Variants in ATP2B1 observed in about 807,000 individuals in gnomAD.
ATP2B1 encodes the protein plasma membrane calcium-transporting ATPase 1.
A neutral mutation model predicts 124.2 loss-of-function variants in ATP2B1; 14 were observed. The ratio of observed to expected loss-of-function variants is 0.11; its 90% CI spans 0.07 to 0.18. The LOEUF is 0.18. Among genes scored for constraint, ATP2B1 ranks in the 10% least tolerant of loss-of-function variants. The pLI is 1.00. For missense variants in ATP2B1, 763 were observed against 1,466.1 expected (o/e 0.52, Z 7.83); for synonymous variants, 449 against 492.4 (o/e 0.91, Z 1.17).
At chr12:89,673,946 T>C (rs1024658049) in intron 1 of ATP2B1, among the ~76,000 whole-genome samples, 2 of 152,244 alleles carry the variant, frequency 1.3e-5, no homozygotes, top group African/African-American at 4.8e-5. Context: ...TGGGTTTTTC[T>C]AGCTCTTTAT....
intron 19 of ATP2B1, among the ~76,000 whole-genome samples, chr12:89,599,780 T>A (rs1026028313): frequency 8.5e-5 from 13 of 152,300 alleles, no homozygotes; most frequent in Admixed American, 2.0e-4. Context: ...ATATTTTTTT[T>A]AAAATGCAAC....
chr12:89,680,115 A>G (rs551357893), intron 1 of ATP2B1, among the ~76,000 whole-genome samples: 1 of 152,322 alleles, frequency 6.6e-6, no homozygotes, highest in East Asian at 1.9e-4. Context: ...AAGGAATAAA[A>G]GAAAATAAAA....
chr12:89,653,894 T>C (rs1885621775), intron 2 of ATP2B1, among the ~76,000 whole-genome samples: 1 of 152,158 alleles, frequency 6.6e-6, no homozygotes, highest in Non-Finnish European at 1.5e-5. Flanking sequence ...AGAACTTTGA[T>C]TAATAGAGAA....
In ATP2B1 at chr12:89,707,760, A is replaced by G. The variant is rs186207068; in HGVS notation, c.-222+836T>C. ...AAACTGGTGAATGAAATGCGCACAG[A>G]GACCAACCTGGCTGGTGACCGCGGC... On this transcript the variant is annotated intron_variant, in intron 1 of 20. Coordinates refer to ENST00000428670, the MANE Select transcript of ATP2B1 (RefSeq NM_001366521.1). Among the ~76,000 whole-genome samples the G allele has an allele frequency of 1.4e-3, 218 of 152,270 alleles. 1 individual carries two copies. Among genetic ancestry groups the G allele is most frequent in the Non-Finnish European group, 1.6e-3 (111 of 68,000 alleles).
chr12:89,620,464 C>G (rs1879774578), intron 10 of ATP2B1, among the ~76,000 whole-genome samples: 1 of 152,124 alleles, frequency 6.6e-6, no homozygotes, highest in African/African-American at 2.4e-5. Context: ...TGAAATTTGA[C>G]AATTACCCAA....
intron 1 of ATP2B1, among the ~76,000 whole-genome samples, chr12:89,682,082 T>C (rs748450254): frequency 6.6e-6 from 1 of 152,118 alleles, no homozygotes; most frequent in Non-Finnish European, 1.5e-5. Context: ...AGCCTTTATA[T>C]ACACAACTAA....
intron 1 of ATP2B1, among the ~76,000 whole-genome samples, chr12:89,695,901 T>A (rs1565926119): frequency 6.6e-6 from 1 of 152,198 alleles, no homozygotes; most frequent in Non-Finnish European, 1.5e-5. Context: ...TCAGCTCAAA[T>A]TTAAAAGAAA....
At chr12:89,630,692 C>A in intron 5 of ATP2B1, 47 bp from the exon 6 acceptor site, 1 of 1,344,266 alleles carries the variant, frequency 7.4e-7, no homozygotes, top group South Asian at 2.3e-5. Flanking sequence ...GATAGATCTC[C>A]TTGCTACCAC....
chr12:89,667,583 T>C (rs1362099896), intron 1 of ATP2B1, among the ~76,000 whole-genome samples: 1 of 152,184 alleles, frequency 6.6e-6, no homozygotes, highest in Non-Finnish European at 1.5e-5. Flanking sequence ...ACACCTGTTG[T>C]TGTTCTCCAA....
Position 89,591,029 on chromosome 12 carries a change from A to G in ATP2B1, c.3618T>C (p.Ser1206=), listed in dbSNP as rs763192699. 3.7e-6 allele frequency: 6 copies of G among 1,613,082 alleles called. No homozygotes were observed. The highest frequency in any genetic ancestry group is 1.7e-5 in the Admixed American group (1 of 59,956). ...TATGTAGTGGGCTTCCTGGGGATGA[A>G]GAGGTAGCAGACTTGTTCATTTCTA... is the stretch of plus-strand genomic sequence containing the variant. The part of the protein sequence containing the change: ...LTIEMNKSAT[S]SSPGSPLHSL... The change falls in exon 21 of 21, where the codon TCT becomes TCC. Residue 1206 remains serine, a synonymous_variant. Coordinates refer to ENST00000428670, the MANE Select transcript of ATP2B1 (RefSeq NM_001366521.1).
At chr12:89,635,751 G>A (rs1409367898) in intron 3 of ATP2B1, among the ~76,000 whole-genome samples, 1 of 152,134 alleles carries the variant, frequency 6.6e-6, no homozygotes, top group Non-Finnish European at 1.5e-5. Context: ...CATGAATCAT[G>A]CTTATTTACT....
At chr12:89,607,204 TATC>T (rs1248994674) in intron 15 of ATP2B1, among the ~76,000 whole-genome samples, 1 of 152,174 alleles carries the variant, frequency 6.6e-6, no homozygotes, top group African/African-American at 2.4e-5. Context: ...AAAAATTCCT[TATC>T]ATGGCATTCA....
intron 2 of ATP2B1, among the ~76,000 whole-genome samples, chr12:89,651,886 T>C (rs1885299434): frequency 6.6e-6 from 1 of 152,230 alleles, no homozygotes; most frequent in Non-Finnish European, 1.5e-5. Flanking sequence ...ATAAACTTGT[T>C]AAAATATTAA....
chr12:89,684,569 G>C (rs1419997194), intron 1 of ATP2B1, among the ~76,000 whole-genome samples: 1 of 152,134 alleles, frequency 6.6e-6, no homozygotes. Flanking sequence ...AAGGATTAGG[G>C]AAATAGTGGT....
At chr12:89,598,288 AT>A (rs1875087323) in intron 20 of ATP2B1, among the ~76,000 whole-genome samples, 1 of 152,212 alleles carries the variant, frequency 6.6e-6, no homozygotes, top group Non-Finnish European at 1.5e-5. Context: ...ATACTCAAAA[AT>A]TTATAGTAGT....
At chr12:89,707,619 G>A (rs1452112728) in intron 1 of ATP2B1, among the ~76,000 whole-genome samples, 1 of 152,128 alleles carries the variant, frequency 6.6e-6, no homozygotes, top group Non-Finnish European at 1.5e-5. Flanking sequence ...TGTCGAGGAG[G>A]GTCGAGCCCT....
At chr12:89,685,555 T>C (rs1565913981) in intron 1 of ATP2B1, among the ~76,000 whole-genome samples, 1 of 152,124 alleles carries the variant, frequency 6.6e-6, no homozygotes, top group Non-Finnish European at 1.5e-5. Context: ...ATGCAAATTC[T>C]CAGACCCACT....
chr12:89,679,056 T>TA (rs987582794), intron 1 of ATP2B1, among the ~76,000 whole-genome samples: 72 of 148,824 alleles, frequency 4.8e-4, no homozygotes, highest in Non-Finnish European at 5.2e-4. Context: ...CTTAAGGCAT[T>TA]AAAAAAAAAA....
rs1186211942 is a variant in ATP2B1, at chr12:89,603,094, G to C, written c.3009C>G (p.Ile1003Met). The C allele has an allele frequency of 6.2e-7, 1 of 1,613,920 alleles. No individual in the cohort carries two copies. The highest frequency in any genetic ancestry group is 2.2e-5 in the East Asian group (1 of 44,826). Residue 1003 changes from isoleucine (I) to methionine (M), a missense_variant, in exon 18 of 21, where the codon ATC becomes ATG. Around this residue, in one of 7 missense-constraint regions of ATP2B1, gnomAD observed 118 missense variants for 240.3 expected, o/e 0.49. Transcript: ENST00000428670. This position sits in a 1 kb window ranked among gnomAD's most constrained non-coding sequence, Gnocchi z 4.3. ...TTGTGCAGAAGATGGCATTGTTAAA[G>C]ATTCCTTCGAATACATTTCTTTCAC... Reference protein sequence around the residue: ...IHGERNVFEGIFNNAIFCTIV... With the variant: ...IHGERNVFEGMFNNAIFCTIV...
Sources: allele counts gnomAD v4.1 joint callset (sites outside exome capture counted in the v4.1 genomes callset), GRCh38; gene constraint gnomAD v4.1.1; regional missense constraint gnomAD v4.1.1; non-coding constraint Gnocchi (gnomAD v3.1); transcripts MANE v1.5; gene names NCBI Gene and HGNC (gene_info 2026-07-23, HGNC 2026-07-21).